APOBEC3A: variants seen among roughly 807,000 people sequenced by gnomAD.
The protein encoded by APOBEC3A is DNA dC->dU-editing enzyme APOBEC-3A.
In APOBEC3A, 13 loss-of-function variants were observed where a neutral mutation model predicts 23.0. That is an observed-to-expected ratio of 0.57 (90% confidence interval 0.37 to 0.90). The LOEUF is 0.90. Among genes scored for constraint, APOBEC3A ranks in the 40% least tolerant of loss-of-function variants. APOBEC3A has a pLI of 0.01. For synonymous variants in APOBEC3A, 74 were observed against 101.3 expected (o/e 0.73, Z 1.62); for missense variants, 179 against 264.9 (o/e 0.68, Z 2.25).
At position 38,957,634 on chromosome 22, in the gene APOBEC3A, C is replaced by G. The variant is rs1296842412; in HGVS notation, c.-58C>G. Reference sequence around the variant, plus strand: ...GTTGGTGAAGATCTTAACACCACGCCTTGAGCAAGTCGCAAGAGCGGGAGG... The same window carrying G: ...GTTGGTGAAGATCTTAACACCACGCGTTGAGCAAGTCGCAAGAGCGGGAGG... On this transcript the variant is annotated 5_prime_UTR_variant, in exon 1 of 5. Transcript: ENST00000249116. 2 of 1,598,596 alleles carry G rather than the reference C, an allele frequency of 1.3e-6. No homozygotes were observed. The highest frequency in any genetic ancestry group is 1.7e-6 in the Non-Finnish European group (2 of 1,171,272).
At chr22:38,959,238 G>A (rs1215900544) in intron 1 of APOBEC3A, among the ~76,000 whole-genome samples, 5 of 152,138 alleles carry the variant, frequency 3.3e-5, no homozygotes, top group Admixed American at 2.0e-4. Flanking sequence ...GGTGCATGGT[G>A]AGGCCACAGA....
At chr22:38,958,062 C>T (rs1922649550) in intron 1 of APOBEC3A, among the ~76,000 whole-genome samples, 1 of 152,218 alleles carries the variant, frequency 6.6e-6, no homozygotes, top group African/African-American at 2.4e-5. Flanking sequence ...TGCAAATGTT[C>T]CATGTATCTG....
rs188139463 is a variant in APOBEC3A, at chr22:38,960,529, C to G, written c.174+843C>G. Among the ~76,000 whole-genome samples the G allele has an allele frequency of 1.1e-3, 164 of 152,340 alleles. 2 individuals are homozygous for G. In the East Asian group the frequency reaches 0.012, roughly 11 times the overall value. Reference sequence around the variant, plus strand: ...GTCCTTGCTGCCCTGCTGTCCCCAACTTGACCGATTCCTAGTCTTAGTGGA... The same window carrying G: ...GTCCTTGCTGCCCTGCTGTCCCCAAGTTGACCGATTCCTAGTCTTAGTGGA... On this transcript the variant is annotated intron_variant, in intron 2 of 4. Transcript: ENST00000249116.
In APOBEC3A at chr22:38,962,625, C is replaced by T. The variant is rs185480905; in HGVS notation, c.*116C>T. The T allele has an allele frequency of 2.6e-4, 410 of 1,584,480 alleles. 23 individuals carry two copies. The highest frequency in any genetic ancestry group is 1.2e-4 in the Non-Finnish European group (140 of 1,167,480). ...ACCACCATCTCCAGCTGCTCACAGA[C>T]GCCAGCAAAGCAGTATGCTCCCGAT... On this transcript the variant is annotated 3_prime_UTR_variant, in exon 5 of 5. Transcript: ENST00000249116.
chr22:38,962,466 T>G (rs1241207144), intron 4 of APOBEC3A, 29 bp from the exon 5 acceptor site: 1 of 1,598,514 alleles, frequency 6.3e-7, no homozygotes, highest in Non-Finnish European at 8.5e-7. Flanking sequence ...TCTCACCTCC[T>G]GCTCCATTCA....
rs1375973535 is a variant in APOBEC3A, at chr22:38,957,705, C to T, written c.14C>T (p.Pro5Leu). The T allele has an allele frequency of 6.2e-7, 1 of 1,612,806 alleles. No homozygotes were observed. Among genetic ancestry groups the T allele is most frequent in the Non-Finnish European group, 8.5e-7 (1 of 1,179,386 alleles). MEAS[P>L]ASGPRHLMDP... ...AGGGACAAGCACATGGAAGCCAGCC[C>T]AGCATCCGGGCCCAGGTATGGGAAG... is the stretch of plus-strand genomic sequence containing the variant. The change falls in exon 1 of 5, where the codon CCA becomes CTA. Residue 5 changes from proline (P) to leucine (L), a missense_variant. Transcript: ENST00000249116.
At chr22:38,958,634 TTTTC>T (rs1922702557) in intron 1 of APOBEC3A, among the ~76,000 whole-genome samples, 1 of 150,096 alleles carries the variant, frequency 6.7e-6, no homozygotes, top group African/African-American at 2.5e-5. Context: ...TTCCTTTCTT[TTTTC>T]TTTCTTTTCT....
rs9754440 is a variant in APOBEC3A, at chr22:38,962,640, A to T, written c.*131A>T. On this transcript the variant is annotated 3_prime_UTR_variant, in exon 5 of 5. Coordinates refer to ENST00000249116, the MANE Select transcript of APOBEC3A (RefSeq NM_145699.4). The stretch of plus-strand genomic sequence containing the variant: ...TGCTCACAGACGCCAGCAAAGCAGT[A>T]TGCTCCCGATCAAGTAGATTTTTAA... 18 of 1,568,050 alleles carry T rather than the reference A, an allele frequency of 1.1e-5. No homozygotes were observed. The highest frequency in any genetic ancestry group is 1.4e-5 in the Non-Finnish European group (16 of 1,158,370).
intron 1 of APOBEC3A, among the ~76,000 whole-genome samples, chr22:38,958,178 CT>C (rs1321259722): frequency 6.6e-6 from 1 of 152,102 alleles, no homozygotes; most frequent in Non-Finnish European, 1.5e-5. Flanking sequence ...GCCTTGTTTC[CT>C]TTTTTTGAGA....
chr22:38,958,853 T>C (rs1236150144), intron 1 of APOBEC3A, among the ~76,000 whole-genome samples: 1 of 122,924 alleles, frequency 8.1e-6, no homozygotes, highest in Non-Finnish European at 1.6e-5. Context: ...TTCTTTCTCT[T>C]TCCTTCTTTC....
intron 1 of APOBEC3A, among the ~76,000 whole-genome samples, chr22:38,958,574 C>A (rs1185438402): frequency 9.1e-6 from 1 of 109,808 alleles, no homozygotes; most frequent in Non-Finnish European, 1.7e-5. Flanking sequence ...TTCTTCTTTC[C>A]TTTCCTTCCT....
intron 1 of APOBEC3A, among the ~76,000 whole-genome samples, chr22:38,958,889 A>C: frequency 6.8e-6 from 1 of 147,474 alleles, no homozygotes; most frequent in Non-Finnish European, 1.5e-5. Context: ...CTGCCTCCCA[A>C]CAGAGATTTT....
chr22:38,959,108 C>A (rs1382558888), intron 1 of APOBEC3A, among the ~76,000 whole-genome samples: 1 of 152,154 alleles, frequency 6.6e-6, no homozygotes, highest in African/African-American at 2.4e-5. Context: ...CCCCAGTCAT[C>A]CCCCTCAGGA....
chr22:38,959,754 T>G, intron 2 of APOBEC3A, 68 bp downstream of exon 2: 1 of 1,565,040 alleles, frequency 6.4e-7, no homozygotes, highest in Non-Finnish European at 8.7e-7. Flanking sequence ...AGGTAGAAGG[T>G]TCCGGATTGT....
intron 2 of APOBEC3A, among the ~76,000 whole-genome samples, chr22:38,960,152 C>CATTTGGG (rs1922812012): frequency 6.6e-6 from 1 of 152,186 alleles, no homozygotes; most frequent in Non-Finnish European, 1.5e-5. Flanking sequence ...GGATGTCCAG[C>CATTTGGG]ATTTGGGGAG....
chr22:38,959,250 T>G (rs947242901), intron 1 of APOBEC3A, among the ~76,000 whole-genome samples: 1 of 151,996 alleles, frequency 6.6e-6, no homozygotes, highest in Non-Finnish European at 1.5e-5. Context: ...GGCCACAGAA[T>G]AAGACCCAGC....
rs574341761 is a variant in APOBEC3A, at chr22:38,962,388, G to A, written c.586-107G>A. ...AGCCTCCTTCTCTTTCCCACCTCCC[G>A]CATCCCTCCCTCCTCTCCCGTCATT... On this transcript the variant is annotated intron_variant, in intron 4 of 4. Coordinates refer to ENST00000249116, the MANE Select transcript of APOBEC3A (RefSeq NM_145699.4). 2,378 of 1,552,664 alleles carry A rather than the reference G, an allele frequency of 1.5e-3. 24 individuals carry two copies. The highest frequency in any genetic ancestry group is 0.013 in the South Asian group (1,116 of 85,624).
chr22:38,962,441 G>A, intron 4 of APOBEC3A, 54 bp from the exon 5 acceptor site: 2 of 1,588,146 alleles, frequency 1.3e-6, no homozygotes, highest in South Asian at 1.1e-5. Context: ...ACCTCCCTGT[G>A]CCCTCTTTCC....
In APOBEC3A at chr22:38,962,195, G is replaced by A. The variant is rs367569531; in HGVS notation, c.567G>A (p.Arg189=). 1.2e-4 allele frequency: 188 copies of A among 1,613,428 alleles called. 2 individuals carry two copies. The Middle Eastern group carries it at 5.2e-3, about 44-fold the overall frequency. Reference sequence around the variant, plus strand: ...AGCACAGCCAAGCCCTGAGTGGGAGGCTGCGGGCCATTCTCCAGGTGAGGG... The same window carrying A: ...AGCACAGCCAAGCCCTGAGTGGGAGACTGCGGGCCATTCTCCAGGTGAGGG... ...LDEHSQALSG[R]LRAILQNQGN Residue 189 remains arginine (R), a synonymous_variant, in exon 4 of 5, where the codon AGG becomes AGA. Coordinates refer to ENST00000249116, the MANE Select transcript of APOBEC3A (RefSeq NM_145699.4).
Sources: allele counts gnomAD v4.1 joint callset (sites outside exome capture counted in the v4.1 genomes callset), GRCh38; gene constraint gnomAD v4.1.1; transcripts MANE v1.5; gene names NCBI Gene and HGNC (gene_info 2026-07-23, HGNC 2026-07-21).